Variants in SHISA6 observed in about 807,000 individuals in gnomAD.
SHISA6 encodes shisa family member 6.
In SHISA6, 22 loss-of-function variants were observed where a neutral mutation model predicts 47.9. The observed-to-expected ratio is 0.46, with a 90% CI of 0.33 to 0.66. The LOEUF is 0.66. Among genes scored for constraint, SHISA6 ranks in the 30% least tolerant of loss-of-function variants. The probability of loss-of-function intolerance (pLI) is 0.02; values close to 1 mark genes in which losing one functional copy is unlikely to be tolerated. For synonymous variants in SHISA6, 388 were observed against 337.8 expected (o/e 1.15, Z -1.63); for missense variants, 680 against 764.6 (o/e 0.89, Z 1.30).
intron 3 of SHISA6, among the ~76,000 whole-genome samples, chr17:11,542,254 C>G (rs1043443580): frequency 6.7e-6 from 1 of 149,084 alleles, no homozygotes; most frequent in African/African-American, 2.5e-5. Context: ...AGAGGAGCAG[C>G]AATACAATAA....
chr17:11,512,706 A>G (rs1435312316), intron 3 of SHISA6, among the ~76,000 whole-genome samples: 2 of 152,180 alleles, frequency 1.3e-5, no homozygotes, highest in African/African-American at 2.4e-5. Context: ...CATTTATTAT[A>G]TATCCTTCTA....
chr17:11,319,059 T>C (rs1022918028), intron 2 of SHISA6, among the ~76,000 whole-genome samples: 42 of 145,638 alleles, frequency 2.9e-4, no homozygotes, highest in Middle Eastern at 3.5e-3. Context: ...TTCTAAGACC[T>C]GTATTTCTTC....
intron 1 of SHISA6, 25 bp from the exon 2 acceptor site, chr17:11,263,341 A>C: frequency 6.4e-7 from 1 of 1,551,292 alleles, no homozygotes; most frequent in Non-Finnish European, 8.7e-7. Context: ...AGTGAATCTC[A>C]TTATGTGATC....
At chr17:11,243,378 A>C (rs1907449148) in intron 1 of SHISA6, among the ~76,000 whole-genome samples, 1 of 151,904 alleles carries the variant, frequency 6.6e-6, no homozygotes, top group Admixed American at 6.6e-5. Flanking sequence ...TCAAATCCAC[A>C]AAGGGTGGGT....
Position 11,379,520 on chromosome 17 carries a change from A to C in SHISA6, c.895+11A>C. 6.6e-7 allele frequency: 1 copy of C among 1,522,108 alleles called. No homozygotes were observed. 94.3% of individuals were successfully genotyped at this position (1,522,108 alleles called of 1,614,324 possible). ...GAGGACACACCAAGGGTACAGTGGA[A>C]ACCATTTTTTACTAAAATACAGAGG... On this transcript the variant is annotated intron_variant, in intron 3 of 5. Coordinates refer to ENST00000441885, the MANE Select transcript of SHISA6 (RefSeq NM_207386.4).
chr17:11,251,522 GAA>G (rs1473602906), intron 1 of SHISA6, among the ~76,000 whole-genome samples: 2 of 152,110 alleles, frequency 1.3e-5, no homozygotes, highest in African/African-American at 4.8e-5. Context: ...GCACAGGAGA[GAA>G]AAGAGGCGAT....
At chr17:11,308,285 G>A (rs1441681378) in intron 2 of SHISA6, among the ~76,000 whole-genome samples, 4 of 152,206 alleles carry the variant, frequency 2.6e-5, no homozygotes, top group Non-Finnish European at 5.9e-5. Flanking sequence ...GGTGGAGAAG[G>A]CACAGCTAAA....
intron 3 of SHISA6, among the ~76,000 whole-genome samples, chr17:11,455,209 A>G (rs1435554480): frequency 6.6e-6 from 1 of 152,102 alleles, no homozygotes; most frequent in African/African-American, 2.4e-5. Context: ...AAACAGTTCA[A>G]TGAATGAATG....
At chr17:11,454,634 A>G (rs2142308588) in intron 3 of SHISA6, among the ~76,000 whole-genome samples, 1 of 152,284 alleles carries the variant, frequency 6.6e-6, no homozygotes, top group East Asian at 1.9e-4. Flanking sequence ...GCACTGTGAA[A>G]TGCTTTTCTC....
intron 2 of SHISA6, among the ~76,000 whole-genome samples, chr17:11,362,548 C>T (rs540228437): frequency 6.6e-6 from 1 of 152,346 alleles, no homozygotes; most frequent in African/African-American, 2.4e-5. Context: ...CAGCCCGATG[C>T]TCCCGAAAGA....
At chr17:11,291,122 C>T (rs947062781) in intron 2 of SHISA6, among the ~76,000 whole-genome samples, 3 of 151,684 alleles carry the variant, frequency 2.0e-5, no homozygotes, top group Non-Finnish European at 4.4e-5. Flanking sequence ...GTGGGCGATT[C>T]GAGGGGTAGT....
chr17:11,254,024 C>G (rs1241700925), intron 1 of SHISA6, among the ~76,000 whole-genome samples: 1 of 152,214 alleles, frequency 6.6e-6, no homozygotes, highest in Non-Finnish European at 1.5e-5. Context: ...CAGCATCACA[C>G]CTACTGTAGG....
intron 2 of SHISA6, among the ~76,000 whole-genome samples, chr17:11,275,983 G>GT (rs367611438): frequency 0.055 from 8,109 of 147,390 alleles, 462 homozygotes; most frequent in African/African-American, 0.15. Context: ...TTTTGTTTTT[G>GT]TTTTTTTTTT....
At chr17:11,329,135 A>G in intron 2 of SHISA6, among the ~76,000 whole-genome samples, 1 of 152,224 alleles carries the variant, frequency 6.6e-6, no homozygotes, top group Non-Finnish European at 1.5e-5. Flanking sequence ...GAGGGAATAA[A>G]GAAAAGGTGG....
At chr17:11,260,964 G>T (rs1218739558) in intron 1 of SHISA6, among the ~76,000 whole-genome samples, 2 of 152,048 alleles carry the variant, frequency 1.3e-5, no homozygotes, top group East Asian at 3.9e-4. Context: ...CTTTCCTACG[G>T]TTAGAAAGTA....
At chr17:11,416,526 G>A (rs1021746010) in intron 3 of SHISA6, among the ~76,000 whole-genome samples, 1 of 152,104 alleles carries the variant, frequency 6.6e-6, no homozygotes, top group African/African-American at 2.4e-5. Flanking sequence ...ATAATAATGT[G>A]TAGTGCATTT....
chr17:11,410,490 G>A (rs1914084219), intron 3 of SHISA6, among the ~76,000 whole-genome samples: 2 of 152,166 alleles, frequency 1.3e-5, no homozygotes, highest in South Asian at 2.1e-4. Flanking sequence ...TTGAATTCAG[G>A]TCCAATTAGA....
At chr17:11,304,923 A>C (rs2142180727) in intron 2 of SHISA6, among the ~76,000 whole-genome samples, 1 of 152,286 alleles carries the variant, frequency 6.6e-6, no homozygotes, top group Middle Eastern at 3.4e-3. Context: ...AGAGAAGCAG[A>C]AGCAGTGCTG....
At chr17:11,313,083 T>C (rs4792126) in intron 2 of SHISA6, among the ~76,000 whole-genome samples, 113,038 of 152,062 alleles carry the variant, frequency 0.74, 42,175 homozygotes, top group Middle Eastern at 0.77. Flanking sequence ...ACTACAGACT[T>C]GTGTAAGCCA....
Sources: gnomAD v4.1 joint callset for allele counts (sites outside exome capture counted in the v4.1 genomes callset) on GRCh38, gnomAD v4.1.1 for gene constraint, MANE v1.5 for transcripts, NCBI Gene and HGNC (gene_info 2026-07-23, HGNC 2026-07-21) for gene names.